The following KIF13B variants were observed in gnomAD, a reference collection of about 807,000 sequenced individuals.
The protein encoded by KIF13B is kinesin-like protein KIF13B.
In KIF13B, 127 loss-of-function variants were observed where a neutral mutation model predicts 222.0. That is an observed-to-expected ratio of 0.57 (90% CI 0.50 to 0.66). KIF13B has a LOEUF of 0.66. Among genes scored for constraint, KIF13B ranks in the 30% least tolerant of loss-of-function variants. The pLI is 0.00. For synonymous variants in KIF13B, 976 were observed against 919.0 expected (o/e 1.06, Z -1.12); for missense variants, 2,173 against 2,379.0 (o/e 0.91, Z 1.80).
chr8:29,207,241 A>G (rs1813992250), intron 2 of KIF13B, among the ~76,000 whole-genome samples: 1 of 152,192 alleles, frequency 6.6e-6, no homozygotes, highest in South Asian at 2.1e-4. Flanking sequence ...CAAGTCCTTC[A>G]GGCTCAGTCA....
At position 29,099,101 on chromosome 8, in the gene KIF13B, G is replaced by A. The variant is rs769024518; in HGVS notation, c.4324+32C>T. Reference sequence around the variant, plus strand: ...CTTTCTGAAAGATGCTCAGATTTCTGACAGTAATTGACAAGTGAAAAGATA... The same window carrying A: ...CTTTCTGAAAGATGCTCAGATTTCTAACAGTAATTGACAAGTGAAAAGATA... On this transcript the variant is annotated intron_variant, in intron 36 of 39. Transcript: ENST00000524189. 3 of 1,474,348 alleles carry A rather than the reference G, an allele frequency of 2.0e-6. No individual in the cohort carries two copies. In the South Asian group the frequency reaches 3.4e-5, roughly 17 times the overall value. 91.3% of individuals were successfully genotyped at this position (1,474,348 alleles called of 1,614,324 possible). A position where few individuals can be genotyped will look rare whatever the true frequency, so the allele number is the denominator to read the frequency against.
At chr8:29,214,005 T>C (rs1212254627) in intron 2 of KIF13B, among the ~76,000 whole-genome samples, 2 of 152,028 alleles carry the variant, frequency 1.3e-5, no homozygotes, top group African/African-American at 2.4e-5. Context: ...AAAAATACGA[T>C]ACAAAAGATT....
At position 29,113,681 on chromosome 8, in the gene KIF13B, A is replaced by T; in HGVS notation, c.3838-126T>A. On this transcript the variant is annotated intron_variant, in intron 31 of 39. Coordinates refer to ENST00000524189, the MANE Select transcript of KIF13B (RefSeq NM_015254.4). ...GAAAACAGAGCAGGTTTCCAACATA[A>T]GCAAGTGAAATCACCAAGTACGGTT... The T allele has an allele frequency of 7.4e-6, 5 of 678,852 alleles. No individual in the cohort carries two copies. In the South Asian group the frequency reaches 8.4e-5, roughly 11 times the overall value. The allele number at this position is 678,852 out of a possible 1,614,324, so 42.1% of individuals were successfully genotyped here.
At chr8:29,234,704 A>T (rs533191849) in intron 2 of KIF13B, among the ~76,000 whole-genome samples, 2 of 149,684 alleles carry the variant, frequency 1.3e-5, no homozygotes, top group East Asian at 1.9e-4. Context: ...AAAAAAAACT[A>T]GAGGAAAGAA....
At position 29,167,421 on chromosome 8, in the gene KIF13B, A is replaced by G. The variant is rs1199732000; in HGVS notation, c.1110T>C (p.Asp370=). ...GGAGTTTCTCAACTTCTTCCCGGAG[A>G]TCCCGGATAATTCGGGCATTAGGGT... The part of the protein sequence containing the change: ...NEDPNARIIR[D]LREEVEKLRE... The change falls in exon 11 of 40, where the codon GAT becomes GAC. Residue 370 remains aspartate, a synonymous_variant. Transcript: ENST00000524189. 1 of 1,613,634 alleles carries G rather than the reference A, an allele frequency of 6.2e-7. No individual in the cohort carries two copies. Among genetic ancestry groups the G allele is most frequent in the Non-Finnish European group, 8.5e-7 (1 of 1,179,870 alleles).
intron 2 of KIF13B, among the ~76,000 whole-genome samples, chr8:29,207,549 T>C (rs941276194): frequency 1.1e-4 from 17 of 152,164 alleles, no homozygotes; most frequent in Non-Finnish European, 2.5e-4. Context: ...TGATTTATGC[T>C]GTCCCCATGC....
intron 2 of KIF13B, among the ~76,000 whole-genome samples, chr8:29,240,410 A>C (rs1320745870): frequency 6.6e-6 from 1 of 152,178 alleles, no homozygotes; most frequent in Non-Finnish European, 1.5e-5. Context: ...GAAGAAGATC[A>C]AATTCAAGAA....
At chr8:29,229,780 G>A (rs1373450946) in intron 2 of KIF13B, among the ~76,000 whole-genome samples, 4 of 151,928 alleles carry the variant, frequency 2.6e-5, no homozygotes, top group Admixed American at 6.6e-5. Context: ...TGCTATCTGG[G>A]GCATCAAGAA....
intron 32 of KIF13B, among the ~76,000 whole-genome samples, chr8:29,113,209 C>T (rs1323034002): frequency 1.3e-5 from 2 of 152,202 alleles, no homozygotes; most frequent in Admixed American, 6.5e-5. Context: ...TGTTTCTCTT[C>T]TGTCACCTTC....
At chr8:29,085,705 C>CCTTTTTT (rs1243079346) in intron 37 of KIF13B, among the ~76,000 whole-genome samples, 5 of 48,722 alleles carry the variant, frequency 1.0e-4, no homozygotes, top group Admixed American at 3.1e-4. Context: ...AAATACTCTT[C>CCTTTTTT]TTTTTTTTTT....
In KIF13B at chr8:29,069,649, ATGGC is replaced by A. The variant is rs1807158479; in HGVS notation, c.*851_*854del. ...TGGGCAGGAGGCCAGCAGCTCTGCA[ATGGC>A]CAGAGAGGCTGCAACGTGCAAGGCA... On this transcript the variant is annotated 3_prime_UTR_variant, in exon 40 of 40. Transcript: ENST00000524189. 1 of 152,228 alleles carries A rather than the reference ATGGC, an allele frequency of 6.6e-6. No individual in the cohort carries two copies. The highest frequency in any genetic ancestry group is 1.5e-5 in the Non-Finnish European group (1 of 68,042). The allele number at this position is 152,228 out of a possible 1,614,324, so 9.4% of individuals were successfully genotyped here. A position where few individuals can be genotyped will look rare whatever the true frequency, so the allele number is the denominator to read the frequency against.
chr8:29,192,992 G>T (rs777706571), intron 3 of KIF13B, among the ~76,000 whole-genome samples: 7 of 152,102 alleles, frequency 4.6e-5, no homozygotes, highest in African/African-American at 9.7e-5. Flanking sequence ...TACCAGAAGG[G>T]CAACTAAAGG....
intron 1 of KIF13B, among the ~76,000 whole-genome samples, chr8:29,249,482 A>G (rs1206573018): frequency 6.6e-6 from 1 of 151,700 alleles, no homozygotes; most frequent in East Asian, 1.9e-4. Flanking sequence ...GAACAATACC[A>G]TGTCAGAGTT....
intron 2 of KIF13B, among the ~76,000 whole-genome samples, chr8:29,198,107 A>T (rs1411085141): frequency 2.0e-5 from 3 of 152,358 alleles, no homozygotes; most frequent in African/African-American, 4.8e-5. Flanking sequence ...GAACATTAAA[A>T]CACCACAGAA....
intron 3 of KIF13B, among the ~76,000 whole-genome samples, chr8:29,195,188 C>T (rs1813363614): frequency 6.6e-6 from 1 of 152,104 alleles, no homozygotes; most frequent in Admixed American, 6.5e-5. Context: ...GCAAAGATTG[C>T]AGTGAGCCAA....
At chr8:29,196,268 T>C in intron 2 of KIF13B, 69 bp from the exon 3 acceptor site, 1 of 1,330,614 alleles carries the variant, frequency 7.5e-7, no homozygotes, top group Non-Finnish European at 1.0e-6. Flanking sequence ...AAATTTAGTT[T>C]AGAAGACTTT....
intron 36 of KIF13B, among the ~76,000 whole-genome samples, chr8:29,098,161 A>G (rs190007762): frequency 0.022 from 3,043 of 136,554 alleles, 151 homozygotes; most frequent in African/African-American, 0.085. Flanking sequence ...ACAGAGTCAG[A>G]CTCCATCTCA....
chr8:29,122,203 G>A (rs531511690), intron 29 of KIF13B, among the ~76,000 whole-genome samples: 7 of 151,764 alleles, frequency 4.6e-5, no homozygotes, highest in Admixed American at 1.3e-4. Flanking sequence ...GCAGTGAGCC[G>A]AGATCACACC....
At chr8:29,098,677 G>A (rs779252298) in intron 36 of KIF13B, among the ~76,000 whole-genome samples, 1 of 150,546 alleles carries the variant, frequency 6.6e-6, no homozygotes, top group African/African-American at 2.4e-5. Context: ...CCCGGATCAT[G>A]TAACTACGGA....
Sources: allele counts gnomAD v4.1 joint callset (sites outside exome capture counted in the v4.1 genomes callset), GRCh38; gene constraint gnomAD v4.1.1; transcripts MANE v1.5; gene names NCBI Gene and HGNC (gene_info 2026-07-23, HGNC 2026-07-21).